GPC5: variants seen among roughly 807,000 people sequenced by gnomAD.
GPC5 encodes glypican-5.
A neutral mutation model predicts 53.9 loss-of-function variants in GPC5; 47 were observed. The ratio of observed to expected loss-of-function variants is 0.87; its 90% CI spans 0.69 to 1.11. GPC5 has a LOEUF of 1.11. Among genes scored for constraint, GPC5 ranks in the 50% most tolerant of loss-of-function variants. GPC5 has a pLI of 0.00. For synonymous variants in GPC5, 286 were observed against 263.3 expected, an observed-to-expected ratio of 1.09 and a Z score of -0.84; for missense variants, 748 against 713.1, an observed-to-expected ratio of 1.05 and a Z score of -0.56.
At chr13:91,550,764 C>A (rs1211146505) in intron 2 of GPC5, among the ~76,000 whole-genome samples, 1 of 152,022 alleles carries the variant, frequency 6.6e-6, no homozygotes, top group East Asian at 1.9e-4. Context: ...AAGGGTGGGG[C>A]CAGAGGGAGA....
intron 7 of GPC5, among the ~76,000 whole-genome samples, chr13:92,629,626 A>G (rs1487030042): frequency 6.6e-6 from 1 of 152,212 alleles, no homozygotes; most frequent in African/African-American, 2.4e-5. Context: ...AATAATAAAT[A>G]TTAAAGTACA....
chr13:91,723,729 T>C (rs1323642353), intron 3 of GPC5, among the ~76,000 whole-genome samples: 3 of 152,200 alleles, frequency 2.0e-5, no homozygotes, highest in Non-Finnish European at 2.9e-5. Context: ...ACCTCACCTA[T>C]TGGAATAGTC....
intron 7 of GPC5, among the ~76,000 whole-genome samples, chr13:92,507,542 T>G (rs1414721331): frequency 6.6e-6 from 1 of 152,006 alleles, no homozygotes; most frequent in Non-Finnish European, 1.5e-5. Context: ...CACATAAGAG[T>G]GTGCAATTGT....
chr13:92,157,164 ATT>A (rs1022612089), intron 7 of GPC5, among the ~76,000 whole-genome samples: 1 of 152,154 alleles, frequency 6.6e-6, no homozygotes, highest in African/African-American at 2.4e-5. Flanking sequence ...AGAGTTTTTA[ATT>A]TTGCTGAATT....
intron 6 of GPC5, among the ~76,000 whole-genome samples, chr13:92,109,061 GTTTTTT>G: frequency 1.1e-5 from 1 of 87,520 alleles, no homozygotes; most frequent in South Asian, 4.9e-4. Flanking sequence ...CAATATGTTG[GTTTTTT>G]TTTTTTTTTT....
chr13:91,571,460 C>A (rs2031776044), intron 2 of GPC5, among the ~76,000 whole-genome samples: 1 of 151,948 alleles, frequency 6.6e-6, no homozygotes, highest in African/African-American at 2.4e-5. Flanking sequence ...AACTGACAAG[C>A]ACAGTAACAA....
intron 7 of GPC5, among the ~76,000 whole-genome samples, chr13:92,860,293 T>G (rs997597909): frequency 1.3e-5 from 2 of 152,166 alleles, no homozygotes; most frequent in Non-Finnish European, 2.9e-5. Flanking sequence ...TGAAGACAGT[T>G]GCATTGCCCT....
chr13:92,153,977 T>A (rs2041925189), intron 7 of GPC5, among the ~76,000 whole-genome samples: 1 of 152,180 alleles, frequency 6.6e-6, no homozygotes, highest in African/African-American at 2.4e-5. Context: ...TAAAGAAGTA[T>A]CTAAGGCTGG....
chr13:91,534,543 C>T, intron 2 of GPC5, among the ~76,000 whole-genome samples: 1 of 152,054 alleles, frequency 6.6e-6, no homozygotes, highest in East Asian at 1.9e-4. Context: ...AATCAGTTTG[C>T]TAAAGTTAAA....
At chr13:91,525,724 G>A (rs1280718997) in intron 2 of GPC5, among the ~76,000 whole-genome samples, 4 of 152,094 alleles carry the variant, frequency 2.6e-5, no homozygotes, top group Non-Finnish European at 1.5e-5. Flanking sequence ...TTTAATATAT[G>A]TAGAGCTCTG....
At position 92,858,088 on chromosome 13, in the gene GPC5, T is replaced by C. The variant is rs949924470; in HGVS notation, c.1562-8194T>C. Reference sequence around the variant, plus strand: ...ACTTAGGTGCCCATCAGTGGTAGACTGGATAAATAAAATGTGGTATGTAGA... The same window carrying C: ...ACTTAGGTGCCCATCAGTGGTAGACCGGATAAATAAAATGTGGTATGTAGA... On this transcript the variant is annotated intron_variant, in intron 7 of 7. Transcript: ENST00000377067. 3.3e-5 allele frequency among the ~76,000 whole-genome samples: 5 copies of C among 152,138 alleles called. No homozygotes were observed. In the South Asian group the frequency reaches 6.2e-4, roughly 19 times the overall value.
At chr13:92,745,658 T>C (rs553632190) in intron 7 of GPC5, among the ~76,000 whole-genome samples, 4 of 152,238 alleles carry the variant, frequency 2.6e-5, no homozygotes, top group African/African-American at 7.2e-5. Context: ...ATTCACTTCA[T>C]TGATCATGAA....
intron 7 of GPC5, among the ~76,000 whole-genome samples, chr13:92,177,980 T>C (rs1420137428): frequency 6.6e-6 from 1 of 152,216 alleles, no homozygotes; most frequent in Non-Finnish European, 1.5e-5. Context: ...GCATAAAAAG[T>C]TCAAACCACC....
rs577428143 is a variant in GPC5, at chr13:92,353,484, G to A, written c.1561+208495G>A. 3.4e-3 allele frequency among the ~76,000 whole-genome samples: 522 copies of A among 152,202 alleles called. 5 individuals carry two copies. Among genetic ancestry groups the A allele is most frequent in the Non-Finnish European group, 5.4e-3 (370 of 68,022 alleles). On this transcript the variant is annotated intron_variant, in intron 7 of 7. Coordinates refer to ENST00000377067, the MANE Select transcript of GPC5 (RefSeq NM_004466.6). ...CTGACTATAAAGAAAGTAAGGAAAG[G>A]ACAAGCATGGGAATGGAAAGATTCT...
At chr13:92,085,040 T>A (rs2041325537) in intron 6 of GPC5, among the ~76,000 whole-genome samples, 2 of 152,178 alleles carry the variant, frequency 1.3e-5, no homozygotes, top group Admixed American at 6.5e-5. Flanking sequence ...CTAGGGAATT[T>A]TGGGAGGCCT....
intron 7 of GPC5, among the ~76,000 whole-genome samples, chr13:92,439,212 A>G (rs1594203310): frequency 6.6e-6 from 1 of 152,312 alleles, no homozygotes; most frequent in East Asian, 1.9e-4. Flanking sequence ...TAACTCCCAT[A>G]TCTAGAGGAA....
At chr13:91,961,306 T>G (rs2139075214) in intron 6 of GPC5, among the ~76,000 whole-genome samples, 1 of 152,050 alleles carries the variant, frequency 6.6e-6, no homozygotes, top group African/African-American at 2.4e-5. Flanking sequence ...ATACAAATAT[T>G]ATGTAGCAAT....
At chr13:91,713,146 G>T (rs577856266) in intron 3 of GPC5, among the ~76,000 whole-genome samples, 2 of 152,114 alleles carry the variant, frequency 1.3e-5, no homozygotes, top group Admixed American at 6.5e-5. Flanking sequence ...AGCTGACATC[G>T]TGCCACTGCA....
chr13:92,045,014 C>A (rs116477941), intron 6 of GPC5, among the ~76,000 whole-genome samples: 53 of 152,178 alleles, frequency 3.5e-4, no homozygotes, highest in African/African-American at 1.2e-3. Context: ...TATAGCAAGT[C>A]AGAGTGAGAA....
Sources: gnomAD v4.1 joint callset for allele counts (sites outside exome capture counted in the v4.1 genomes callset) on GRCh38, gnomAD v4.1.1 for gene constraint, MANE v1.5 for transcripts, NCBI Gene and HGNC (gene_info 2026-07-23, HGNC 2026-07-21) for gene names.